The following ST8SIA2 variants were observed in gnomAD, a reference collection of about 807,000 sequenced individuals.
ST8SIA2 encodes the protein alpha-2,8-sialyltransferase 8B.
In ST8SIA2, 22 loss-of-function variants were observed where a neutral mutation model predicts 37.6. The ratio of observed to expected loss-of-function variants is 0.58; its 90% CI spans 0.42 to 0.83. The LOEUF (loss-of-function observed/expected upper bound fraction) is 0.83. Ranked by LOEUF, ST8SIA2 falls within the 40% of genes least tolerant of loss-of-function variation. The pLI is 0.00. For missense variants in ST8SIA2, 382 were observed against 484.7 expected (o/e 0.79, Z 1.99); for synonymous variants, 205 against 201.2 (o/e 1.02, Z -0.16).
rs950490299 is a variant in ST8SIA2 at position 92,466,298 on chromosome 15, G to C, written c.*1913G>C. 1 of 152,244 alleles carries C rather than the reference G, an allele frequency of 6.6e-6. No homozygotes were observed. The highest frequency in any genetic ancestry group is 2.4e-5 in the African/African-American group (1 of 41,468). 9.4% of individuals were successfully genotyped at this position (152,244 alleles called of 1,614,324 possible). A position where few individuals can be genotyped will look rare whatever the true frequency, so the allele number is the denominator to read the frequency against. ...AGTGGTTTCGGACTCCTCACAGGCGGTGGAAATAATTAATACCATATTTTA... is the reference window on the plus strand; with the variant it reads ...AGTGGTTTCGGACTCCTCACAGGCGCTGGAAATAATTAATACCATATTTTA... On this transcript the variant is annotated 3_prime_UTR_variant, in exon 6 of 6. Coordinates refer to ENST00000268164, the MANE Select transcript of ST8SIA2 (RefSeq NM_006011.4).
intron 1 of ST8SIA2, among the ~76,000 whole-genome samples, chr15:92,402,772 C>T (rs1179896603): frequency 1.3e-5 from 2 of 152,168 alleles, no homozygotes; most frequent in African/African-American, 4.8e-5. Context: ...ATTTCCTCTC[C>T]TCTCACACCA....
intron 1 of ST8SIA2, among the ~76,000 whole-genome samples, chr15:92,401,816 C>T (rs2049473836): frequency 6.6e-6 from 1 of 151,728 alleles, no homozygotes; most frequent in Non-Finnish European, 1.5e-5. Flanking sequence ...CCTCCTCCTC[C>T]AGCTTCTTAG....
In ST8SIA2 at chr15:92,466,453, G is replaced by C. The variant is rs1354671563; in HGVS notation, c.*2068G>C. ...CCTTGGTGGATTAACCAAGGCCTTG[G>C]ATTCCAGAATGTTTCATGGTAAGCA... On this transcript the variant is annotated 3_prime_UTR_variant, in exon 6 of 6. Transcript: ENST00000268164. The C allele has an allele frequency of 1.3e-5, 2 of 152,122 alleles. No individual in the cohort carries two copies. Among genetic ancestry groups the C allele is most frequent in the African/African-American group, 4.8e-5 (2 of 41,404 alleles). The allele number at this position is 152,122 out of a possible 1,614,324, so 9.4% of individuals were successfully genotyped here.
chr15:92,422,946 T>G (rs542427495), intron 1 of ST8SIA2, among the ~76,000 whole-genome samples: 4 of 152,340 alleles, frequency 2.6e-5, no homozygotes, highest in African/African-American at 9.6e-5. Context: ...TCCTTAGAAC[T>G]GCCGTATCAA....
rs1049805121 is a variant in ST8SIA2, at chr15:92,441,603, A to G, written c.548+2993A>G. Among the ~76,000 whole-genome samples, 150 of 151,320 alleles carry G rather than the reference A, an allele frequency of 9.9e-4. 1 individual carries two copies. Among genetic ancestry groups the G allele is most frequent in the Middle Eastern group, 3.4e-3 (1 of 294 alleles). ...CACACACACACACACACACACACAC[A>G]CACACACACACACACACGCACTTCT... On this transcript the variant is annotated intron_variant, in intron 4 of 5. Coordinates refer to ENST00000268164, the MANE Select transcript of ST8SIA2 (RefSeq NM_006011.4).
intron 1 of ST8SIA2, among the ~76,000 whole-genome samples, chr15:92,405,573 A>G (rs1443268801): frequency 6.6e-6 from 1 of 152,254 alleles, no homozygotes; most frequent in Non-Finnish European, 1.5e-5. Context: ...ACTTATTTTA[A>G]GAGCACAGTT....
At chr15:92,460,392 G>A (rs899817517) in intron 5 of ST8SIA2, among the ~76,000 whole-genome samples, 1 of 152,228 alleles carries the variant, frequency 6.6e-6, no homozygotes, top group East Asian at 1.9e-4. Context: ...AGCTGAAAAT[G>A]CAATGGGCTA....
intron 4 of ST8SIA2, among the ~76,000 whole-genome samples, chr15:92,443,140 G>A (rs534152573): frequency 2.6e-5 from 4 of 152,234 alleles, no homozygotes; most frequent in Non-Finnish European, 5.9e-5. Context: ...TAAATGGTAC[G>A]TTCCTGGATT....
At chr15:92,396,626 T>G (rs931814879) in intron 1 of ST8SIA2, among the ~76,000 whole-genome samples, 41 of 152,206 alleles carry the variant, frequency 2.7e-4, no homozygotes, top group African/African-American at 9.6e-4. Flanking sequence ...CCCGAGTAGC[T>G]GGGATTACAG....
intron 5 of ST8SIA2, among the ~76,000 whole-genome samples, chr15:92,451,498 G>A (rs180693361): frequency 3.7e-4 from 56 of 152,298 alleles, no homozygotes; most frequent in African/African-American, 1.3e-3. Flanking sequence ...CCTTGCCCTT[G>A]AATGTGCCTT....
At chr15:92,437,691 C>G (rs994372646) in intron 3 of ST8SIA2, among the ~76,000 whole-genome samples, 3 of 152,074 alleles carry the variant, frequency 2.0e-5, no homozygotes, top group Admixed American at 6.6e-5. Flanking sequence ...CAGTATCCAT[C>G]CCCCCAGAAA....
intron 3 of ST8SIA2, among the ~76,000 whole-genome samples, chr15:92,436,235 G>A (rs1406854734): frequency 6.6e-6 from 1 of 152,034 alleles, no homozygotes; most frequent in African/African-American, 2.4e-5. Context: ...TTTAGAGGGG[G>A]TCACCATTCT....
intron 1 of ST8SIA2, among the ~76,000 whole-genome samples, chr15:92,410,447 G>T (rs2049540537): frequency 6.6e-6 from 1 of 152,184 alleles, no homozygotes; most frequent in African/African-American, 2.4e-5. Context: ...TGCAGGACGG[G>T]GAGCAACAGC....
At chr15:92,451,246 G>T (rs1316909379) in intron 5 of ST8SIA2, among the ~76,000 whole-genome samples, 1 of 152,160 alleles carries the variant, frequency 6.6e-6, no homozygotes, top group Non-Finnish European at 1.5e-5. Flanking sequence ...ACTCATTTAG[G>T]GACAGGGATG....
chr15:92,451,700 C>T (rs766581872), intron 5 of ST8SIA2, among the ~76,000 whole-genome samples: 20 of 152,252 alleles, frequency 1.3e-4, no homozygotes, highest in Admixed American at 3.3e-4. Flanking sequence ...CCATAGTGAA[C>T]GCTTACATGC....
Position 92,444,789 on chromosome 15 carries a change from T to C in ST8SIA2, c.702T>C (p.Asn234=), listed in dbSNP as rs200642073. The C allele has an allele frequency of 1.9e-6, 3 of 1,614,132 alleles. No homozygotes were observed. The highest frequency in any genetic ancestry group is 2.2e-5 in the East Asian group (1 of 44,892). ...TGCTGCAACGGCTGCACAGCCTCAA[T>C]GGCAGCATCCTGTGGATCCCTGCCT... ...EKLLQRLHSL[N]GSILWIPAFM... The change falls in exon 5 of 6, where the codon AAT becomes AAC. Residue 234 remains asparagine, a synonymous_variant. Transcript: ENST00000268164.
intron 1 of ST8SIA2, among the ~76,000 whole-genome samples, chr15:92,402,181 A>C (rs1596228182): frequency 6.6e-6 from 1 of 152,146 alleles, no homozygotes. Context: ...CTGGATCCAC[A>C]AGGTATTCTG....
chr15:92,412,191 G>A (rs1421652390), intron 1 of ST8SIA2, among the ~76,000 whole-genome samples: 1 of 152,090 alleles, frequency 6.6e-6, no homozygotes, highest in Non-Finnish European at 1.5e-5. Context: ...AGGAGAAGTG[G>A]GTGAGGGGTG....
At chr15:92,439,302 C>T (rs550372820) in intron 4 of ST8SIA2, among the ~76,000 whole-genome samples, 1 of 152,152 alleles carries the variant, frequency 6.6e-6, no homozygotes, top group Non-Finnish European at 1.5e-5. Context: ...AACAGAGAAA[C>T]TTGAATTTTG....
Sources: allele counts gnomAD v4.1 joint callset (sites outside exome capture counted in the v4.1 genomes callset), GRCh38; gene constraint gnomAD v4.1.1; transcripts MANE v1.5; gene names NCBI Gene and HGNC (gene_info 2026-07-23, HGNC 2026-07-21).